HMCN2: variants seen among roughly 807,000 people sequenced by gnomAD.
HMCN2 encodes hemicentin-2.
HMCN2 carries 325 observed loss-of-function variants against 377.5 expected under a neutral mutation model. The observed-to-expected ratio is 0.86, with a 90% CI of 0.79 to 0.94. HMCN2 has a LOEUF of 0.94. Ranked by LOEUF, HMCN2 falls within the 40% of genes least tolerant of loss-of-function variation. The pLI, the probability that HMCN2 is intolerant of heterozygous loss-of-function variation, is 0.00. For synonymous variants in HMCN2, 2,007 were observed against 2,046.8 expected (o/e 0.98, Z 0.53); for missense variants, 4,543 against 4,725.3 (o/e 0.96, Z 1.13).
intron 76 of HMCN2, among the ~76,000 whole-genome samples, chr9:130,399,890 A>G (rs1463577524): frequency 1.3e-4 from 20 of 152,098 alleles, no homozygotes; most frequent in Admixed American, 1.3e-3. Flanking sequence ...TGACCTTGTC[A>G]TCACCCCCGT....
chr9:130,379,829 G>C (rs1841606338), intron 54 of HMCN2, among the ~76,000 whole-genome samples: 1 of 152,152 alleles, frequency 6.6e-6, no homozygotes, highest in South Asian at 2.1e-4. Context: ...GGCACACTGT[G>C]GTGGCTGAAC....
At chr9:130,427,733 C>T in intron 92 of HMCN2, 114 bp downstream of exon 92, 1 of 1,302,258 alleles carries the variant, frequency 7.7e-7, no homozygotes, top group Non-Finnish European at 1.0e-6. Context: ...GCAGGGATGG[C>T]CAATTCTTGA....
chr9:130,363,720 G>A (rs139110170), intron 40 of HMCN2, among the ~76,000 whole-genome samples: 3,316 of 151,894 alleles, frequency 0.022, 132 homozygotes, highest in African/African-American at 0.076. Flanking sequence ...CTACTCGAAA[G>A]GCTGAAGCAG....
Position 130,433,560 on chromosome 9 carries a change from C to T in HMCN2, c.15107C>T (p.Ala5036Val). Residue 5036 changes from alanine to valine, a missense_variant, in exon 98 of 98, where the codon GCG (alanine) becomes GTG (valine). Around this residue, in one of 5 missense-constraint regions of HMCN2, gnomAD observed 1,155 missense variants for 1,157.7 expected, o/e 1.00. Transcript: ENST00000683500. ...RSPFALRPLR[A>V]GLGAVYTRRA... is the part of the protein sequence containing the mutation. ...CCCTTCGCGCTGCGTCCGCTGCGCGCGGGCCTTGGCGCGGTCTACACCCGT... is the reference window on the plus strand; with the variant it reads ...CCCTTCGCGCTGCGTCCGCTGCGCGTGGGCCTTGGCGCGGTCTACACCCGT... 1 of 1,472,374 alleles carries T rather than the reference C, an allele frequency of 6.8e-7. No homozygotes were observed. Among genetic ancestry groups the T allele is most frequent in the South Asian group, 1.4e-5 (1 of 74,004 alleles). 91.2% of individuals were successfully genotyped at this position (1,472,374 alleles called of 1,614,324 possible). A position where few individuals can be genotyped will look rare whatever the true frequency, so the allele number is the denominator to read the frequency against.
At chr9:130,310,929 C>A (rs1837212616) in intron 15 of HMCN2, among the ~76,000 whole-genome samples, 1 of 152,212 alleles carries the variant, frequency 6.6e-6, no homozygotes, top group Non-Finnish European at 1.5e-5. Flanking sequence ...CCTGTTAGCA[C>A]AGGGTTGGGC....
At position 130,364,793 on chromosome 9, in the gene HMCN2, C is replaced by T. The variant is rs924467213; in HGVS notation, c.6312C>T (p.His2104=). Residue 2104 remains histidine (H), a synonymous_variant, in exon 41 of 98, where the codon CAC becomes CAT. Coordinates refer to ENST00000683500, the MANE Select transcript of HMCN2 (RefSeq NM_001291815.2). ...CAGTGGCCCTGGAGTGCCAGAGCCA[C>T]GCCATGCCCCCTCCTGTGCTGAGCT... ...NESVALECQS[H]AMPPPVLSWW... The T allele has an allele frequency of 1.2e-5, 12 of 985,876 alleles. No homozygotes were observed. Among genetic ancestry groups the T allele is most frequent in the East Asian group, 2.3e-4 (2 of 8,826 alleles). 61.1% of individuals were successfully genotyped at this position (985,876 alleles called of 1,614,324 possible).
intron 4 of HMCN2, among the ~76,000 whole-genome samples, chr9:130,291,856 A>G (rs1462617894): frequency 6.6e-6 from 1 of 152,224 alleles, no homozygotes; most frequent in East Asian, 1.9e-4. Context: ...TCAGGATTTC[A>G]TCAAGGGCTG....
intron 1 of HMCN2, among the ~76,000 whole-genome samples, chr9:130,269,241 A>G (rs745594489): frequency 7.1e-6 from 1 of 141,528 alleles, no homozygotes; most frequent in South Asian, 2.4e-4. Flanking sequence ...GAAATTTGCT[A>G]ATCATTGCAA....
rs1291285695 is a variant in HMCN2 at position 130,422,109 on chromosome 9, G to T, written c.13232-468G>T. Among the ~76,000 whole-genome samples the T allele has an allele frequency of 6.6e-6, 1 of 152,220 alleles. No individual in the cohort carries two copies. The highest frequency in any genetic ancestry group is 2.4e-5 in the African/African-American group (1 of 41,456). The stretch of plus-strand genomic sequence containing the variant: ...GCCAGGCCAGCTGCAGGGCAGCCAG[G>T]GCCAGCAGCACTGATGGAATGGGGC... On this transcript the variant is annotated intron_variant, in intron 86 of 97. Transcript: ENST00000683500. This position sits in a 1 kb window ranked among gnomAD's most constrained non-coding sequence, Gnocchi z 4.2.
At chr9:130,398,777 G>T (rs1039220606) in intron 75 of HMCN2, 70 bp downstream of exon 75, 11 of 1,217,884 alleles carry the variant, frequency 9.0e-6, no homozygotes, top group Non-Finnish European at 1.2e-5. Context: ...TCTCACGGGG[G>T]CATGGGGCAG....
chr9:130,343,613 T>G (rs942027565), intron 25 of HMCN2, among the ~76,000 whole-genome samples: 1 of 152,104 alleles, frequency 6.6e-6, no homozygotes, highest in African/African-American at 2.4e-5. Context: ...GCAGCCGTTC[T>G]GCGCTTTTGG....
chr9:130,309,844 C>G (rs973760822), intron 14 of HMCN2, 68 bp from the exon 15 acceptor site: 9 of 368,074 alleles, frequency 2.4e-5, no homozygotes, highest in Non-Finnish European at 5.1e-5. Context: ...GGGTCAGGCT[C>G]CCACCTCCCA....
intron 15 of HMCN2, among the ~76,000 whole-genome samples, chr9:130,311,322 G>T (rs1240687035): frequency 2.6e-5 from 4 of 152,230 alleles, no homozygotes; most frequent in Non-Finnish European, 4.4e-5. Context: ...ATAGATAGGA[G>T]GGTCTGGCCT....
At chr9:130,348,060 G>T in intron 26 of HMCN2, 1 of 985,308 alleles carries the variant, frequency 1.0e-6, no homozygotes. Flanking sequence ...CTGGGGAGTG[G>T]TCTCTGTCGG....
chr9:130,393,439 G>T lies in HMCN2; in HGVS notation c.10234+130G>T. The stretch of plus-strand genomic sequence containing the variant: ...GGGCGTCGAGGAGAGCGGACACTGC[G>T]GCTCAGTCTCTGACTCACTGTATTG... On this transcript the variant is annotated intron_variant, in intron 67 of 97. Transcript: ENST00000683500. This position sits in a 1 kb window ranked among gnomAD's most constrained non-coding sequence, Gnocchi z 5.2. 1 of 512,472 alleles carries T rather than the reference G, an allele frequency of 2.0e-6. No individual in the cohort carries two copies. The highest frequency in any genetic ancestry group is 2.6e-6 in the Non-Finnish European group (1 of 386,086). 31.7% of individuals were successfully genotyped at this position (512,472 alleles called of 1,614,324 possible).
chr9:130,299,319 C>G (rs950601205), intron 8 of HMCN2, 31 bp downstream of exon 8: 1 of 417,384 alleles, frequency 2.4e-6, no homozygotes, highest in South Asian at 1.8e-5. Context: ...TCTCCCAGGC[C>G]CCTGGCTCAT....
At chr9:130,365,322 G>A (rs1840636466) in intron 41 of HMCN2, among the ~76,000 whole-genome samples, 5 of 152,178 alleles carry the variant, frequency 3.3e-5, no homozygotes, top group Admixed American at 3.3e-4. Context: ...CAAAGAGGCT[G>A]GGAGCTGATG....
At position 130,305,668 on chromosome 9, in the gene HMCN2, C is replaced by T. The variant is rs557047595; in HGVS notation, c.1817-461C>T. The stretch of plus-strand genomic sequence containing the variant: ...GGGCTGTGGTTGCTGTTTCTGGATG[C>T]GCGGGCCTGTGAGCTCTTTTGAGTC... On this transcript the variant is annotated intron_variant, in intron 11 of 97. Coordinates refer to ENST00000683500, the MANE Select transcript of HMCN2 (RefSeq NM_001291815.2). 7.9e-5 allele frequency among the ~76,000 whole-genome samples: 12 copies of T among 152,282 alleles called. No individual in the cohort carries two copies. The East Asian group carries it at 1.7e-3, about 22-fold the overall frequency.
Position 130,433,357 on chromosome 9 carries a change from C to T in HMCN2, c.14904C>T (p.Phe4968=), listed in dbSNP as rs1844878750. 1.4e-6 allele frequency: 2 copies of T among 1,456,574 alleles called. No individual in the cohort carries two copies. The highest frequency in any genetic ancestry group is 1.8e-6 in the Non-Finnish European group (2 of 1,112,288). The allele number at this position is 1,456,574 out of a possible 1,614,324, so 90.2% of individuals were successfully genotyped here. Residue 4968 remains phenylalanine (F), a synonymous_variant, in exon 98 of 98, where the codon TTC becomes TTT. Coordinates refer to ENST00000683500, the MANE Select transcript of HMCN2 (RefSeq NM_001291815.2). Reference sequence around the variant, plus strand: ...TCTGTGCCGCCCGCAGGACGTGCTTCCGGCGCTGCTCGCAGGACTGCGGCA... The same window carrying T: ...TCTGTGCCGCCCGCAGGACGTGCTTTCGGCGCTGCTCGCAGGACTGCGGCA... ...YRQGPSPGTC[F]RRCSQDCGTG...
Sources: allele counts gnomAD v4.1 joint callset (sites outside exome capture counted in the v4.1 genomes callset), GRCh38; gene constraint gnomAD v4.1.1; regional missense constraint gnomAD v4.1.1; non-coding constraint Gnocchi (gnomAD v3.1); transcripts MANE v1.5; gene names NCBI Gene and HGNC (gene_info 2026-07-23, HGNC 2026-07-21).